LRP1B: variants seen among roughly 807,000 people sequenced by gnomAD.
LRP1B encodes low-density lipoprotein receptor-related protein 1B.
In LRP1B, 217 loss-of-function variants were observed where a neutral mutation model predicts 556.6. The observed-to-expected ratio is 0.39, with a 90% confidence interval of 0.35 to 0.44. The LOEUF is 0.44. Ranked by LOEUF, LRP1B falls within the 20% of genes least tolerant of loss-of-function variation. The probability of loss-of-function intolerance (pLI) is 1.00; values close to 1 mark genes in which losing one functional copy is unlikely to be tolerated. For synonymous variants in LRP1B, 2,047 were observed against 1,865.8 expected (o/e 1.10, Z -2.50); for missense variants, 5,053 against 5,620.8 (o/e 0.90, Z 3.23).
intron 7 of LRP1B, among the ~76,000 whole-genome samples, chr2:141,067,987 T>C (rs1369866379): frequency 1.3e-5 from 2 of 152,018 alleles, no homozygotes; most frequent in South Asian, 2.1e-4. Context: ...CTTTGCTTCC[T>C]GTCCTTAGGT....
chr2:141,097,430 G>A (rs755976020), intron 7 of LRP1B, among the ~76,000 whole-genome samples: 5 of 151,928 alleles, frequency 3.3e-5, no homozygotes, highest in Non-Finnish European at 7.4e-5. Flanking sequence ...AAGAGGGGGA[G>A]TAAGAAAAAG....
At chr2:140,569,576 G>A (rs899154096) in intron 43 of LRP1B, among the ~76,000 whole-genome samples, 1 of 151,774 alleles carries the variant, frequency 6.6e-6, no homozygotes, top group African/African-American at 2.4e-5. Flanking sequence ...TTTGAAGAAA[G>A]GAAGATAGGC....
chr2:140,848,003 T>C (rs1692328330), intron 29 of LRP1B, among the ~76,000 whole-genome samples: 1 of 152,102 alleles, frequency 6.6e-6, no homozygotes, highest in Middle Eastern at 3.4e-3. Flanking sequence ...AGACAGAAAA[T>C]TGTCTCCTAT....
At chr2:140,728,777 G>C (rs1250675235) in intron 35 of LRP1B, among the ~76,000 whole-genome samples, 1 of 152,216 alleles carries the variant, frequency 6.6e-6, no homozygotes, top group Non-Finnish European at 1.5e-5. Flanking sequence ...TAGATATTGA[G>C]TTCTGGTATC....
intron 66 of LRP1B, among the ~76,000 whole-genome samples, chr2:140,401,565 G>T (rs908800040): frequency 7.9e-5 from 12 of 152,162 alleles, no homozygotes; most frequent in African/African-American, 2.9e-4. Context: ...GCCCTGCCTG[G>T]CTATGCATCT....
chr2:140,987,520 C>A (rs1478355889), intron 17 of LRP1B, among the ~76,000 whole-genome samples: 1 of 152,070 alleles, frequency 6.6e-6, no homozygotes, highest in African/African-American at 2.4e-5. Flanking sequence ...ATCACAAATG[C>A]TTCTTTAAAA....
In LRP1B at chr2:141,849,415, A is replaced by C. The variant is rs951628240; in HGVS notation, c.83-39014T>G. Among the ~76,000 whole-genome samples the C allele has an allele frequency of 3.3e-5, 5 of 151,824 alleles. No homozygotes were observed. In the East Asian group the frequency reaches 9.7e-4, roughly 29 times the overall value. On this transcript the variant is annotated intron_variant, in intron 1 of 90. Coordinates refer to ENST00000389484, the MANE Select transcript of LRP1B (RefSeq NM_018557.3). ...TTAATTATGGCGTTGACTTCGGCTT[A>C]ATAGAGATCTTAAGCACGCCAAAGA...
intron 1 of LRP1B, among the ~76,000 whole-genome samples, chr2:141,827,019 G>C (rs1233718449): frequency 1.1e-4 from 16 of 152,178 alleles, no homozygotes; most frequent in Admixed American, 1.0e-3. Flanking sequence ...ATTGATGAGA[G>C]ATGCTAGGAA....
At chr2:141,624,031 T>TAAAAAA (rs1559185670) in intron 2 of LRP1B, among the ~76,000 whole-genome samples, 2 of 12,218 alleles carry the variant, frequency 1.6e-4, no homozygotes, top group Non-Finnish European at 2.4e-4. Flanking sequence ...AAAAAAAAAA[T>TAAAAAA]TAAACAAAAA....
chr2:141,106,782 A>G (rs1323267080), intron 7 of LRP1B, among the ~76,000 whole-genome samples: 1 of 152,158 alleles, frequency 6.6e-6, no homozygotes, highest in African/African-American at 2.4e-5. Flanking sequence ...CTCTCTTTCC[A>G]ATAAAACTTT....
intron 2 of LRP1B, among the ~76,000 whole-genome samples, chr2:141,714,432 A>G (rs1692490688): frequency 6.8e-6 from 1 of 146,448 alleles, no homozygotes; most frequent in East Asian, 2.0e-4. Flanking sequence ...CCTTGAAGCA[A>G]CTTGTCTCTG....
chr2:140,596,223 T>C (rs1209516998), intron 43 of LRP1B, among the ~76,000 whole-genome samples: 10 of 152,134 alleles, frequency 6.6e-5, no homozygotes, highest in Admixed American at 6.5e-4. Context: ...GTGATCTTTC[T>C]CTTTTAAAAG....
At chr2:141,857,568 C>T (rs116632457) in intron 1 of LRP1B, among the ~76,000 whole-genome samples, 1,600 of 152,064 alleles carry the variant, frequency 0.011, 14 homozygotes, top group Non-Finnish European at 0.019. Context: ...AACTCCTGAG[C>T]TCAAGCTATC....
At chr2:141,465,455 G>T (rs983196598) in intron 3 of LRP1B, among the ~76,000 whole-genome samples, 1 of 151,936 alleles carries the variant, frequency 6.6e-6, no homozygotes, top group Non-Finnish European at 1.5e-5. Flanking sequence ...TCCTCAGGCC[G>T]CAGGTAGCCC....
chr2:140,257,289 G>A (rs539750079), intron 86 of LRP1B, among the ~76,000 whole-genome samples: 5 of 152,070 alleles, frequency 3.3e-5, no homozygotes, highest in Admixed American at 1.3e-4. Context: ...TAAGAAAAGA[G>A]GTCTAATAAA....
chr2:142,087,027 G>A (rs927078060), intron 1 of LRP1B, among the ~76,000 whole-genome samples: 3 of 150,458 alleles, frequency 2.0e-5, no homozygotes, highest in East Asian at 2.0e-4. Flanking sequence ...TTGATCTCTC[G>A]TTAGCTGATG....
intron 1 of LRP1B, among the ~76,000 whole-genome samples, chr2:142,108,782 GT>G (rs1706852593): frequency 6.6e-6 from 1 of 152,092 alleles, no homozygotes; most frequent in Admixed American, 6.6e-5. Context: ...ATTTACATAA[GT>G]TTTCTATCAC....
At chr2:140,324,234 GAAGT>G (rs1203974837) in intron 80 of LRP1B, among the ~76,000 whole-genome samples, 168 bp from the exon 81 acceptor site, 11 of 151,942 alleles carry the variant, frequency 7.2e-5, no homozygotes, top group African/African-American at 2.4e-4. Flanking sequence ...TAATATATCT[GAAGT>G]AAGGATATGC....
intron 15 of LRP1B, among the ~76,000 whole-genome samples, chr2:140,998,337 GT>G (rs1415065376): frequency 2.0e-5 from 3 of 152,046 alleles, no homozygotes; most frequent in Non-Finnish European, 4.4e-5. Flanking sequence ...TCTTGCTGGA[GT>G]TTTTGAAGTT....
Sources: allele counts gnomAD v4.1 joint callset (sites outside exome capture counted in the v4.1 genomes callset), GRCh38; gene constraint gnomAD v4.1.1; transcripts MANE v1.5; gene names NCBI Gene and HGNC (gene_info 2026-07-23, HGNC 2026-07-21).